The following ALDH1L1 variants were observed in gnomAD, a reference collection of about 807,000 sequenced individuals.
ALDH1L1 encodes the protein cytosolic 10-formyltetrahydrofolate dehydrogenase.
A neutral mutation model predicts 101.1 loss-of-function variants in ALDH1L1; 68 were observed. That is an observed-to-expected ratio of 0.67 (90% confidence interval 0.55 to 0.82). ALDH1L1 has a LOEUF of 0.82. ALDH1L1 is among the 40% of genes least tolerant of loss of function. ALDH1L1 has a pLI of 0.00. For missense variants in ALDH1L1, 1,087 were observed against 1,172.7 expected (o/e 0.93, Z 1.07); for synonymous variants, 486 against 470.8 (o/e 1.03, Z -0.42).
intron 17 of ALDH1L1, 136 bp downstream of exon 17, chr3:126,117,869 C>T: frequency 2.3e-6 from 2 of 865,264 alleles, no homozygotes; most frequent in Non-Finnish European, 3.6e-6. Flanking sequence ...TCAGCGTTTG[C>T]ATAGAGCCCA....
chr3:126,187,211 T>A (rs1419288237), intron 1 of ALDH1L1, among the ~76,000 whole-genome samples: 2 of 151,708 alleles, frequency 1.3e-5, no homozygotes, highest in Non-Finnish European at 2.9e-5. Flanking sequence ...AAAAGTTGAA[T>A]GTACAAGAAA....
chr3:126,124,105 G>A (rs949894819), intron 16 of ALDH1L1, among the ~76,000 whole-genome samples: 3 of 129,262 alleles, frequency 2.3e-5, no homozygotes, highest in Non-Finnish European at 3.3e-5. Context: ...ATTCCAGGGC[G>A]CGCGGACACA....
At chr3:126,193,912 C>T (rs2081567135) in intron 1 of ALDH1L1, among the ~76,000 whole-genome samples, 1 of 152,042 alleles carries the variant, frequency 6.6e-6, no homozygotes, top group African/African-American at 2.4e-5. Context: ...ATTAAAGTTC[C>T]AGGAATTCTT....
At chr3:126,156,581 C>G (rs1352269425) in intron 4 of ALDH1L1, 4 of 152,356 alleles carry the variant, frequency 2.6e-5, no homozygotes, top group Non-Finnish European at 5.9e-5. Flanking sequence ...GCAGCCCTCA[C>G]ATATGATCCC....
intron 1 of ALDH1L1, 55 bp from the exon 2 acceptor site, chr3:126,161,057 A>C: frequency 1.3e-6 from 2 of 1,583,304 alleles, no homozygotes; most frequent in Non-Finnish European, 1.7e-6. Flanking sequence ...CAGAGAAGCC[A>C]GCCCTGGTTC....
intron 17 of ALDH1L1, chr3:126,115,634 G>A (rs1439663517): frequency 1.3e-5 from 2 of 152,484 alleles, no homozygotes; most frequent in African/African-American, 4.8e-5. Flanking sequence ...GGGGTGCAAT[G>A]GCATGATCTT....
At position 126,189,104 on chromosome 3, in the gene ALDH1L1, A is replaced by G. The variant is rs114317467; in HGVS notation, c.-24+8631T>C. On this transcript the variant is annotated intron_variant, in intron 1 of 2. Coordinates refer to the ALDH1L1 transcript ENST00000509952. ...TTTTGTGGGCCAGAAGTCCAGCTCTATAAAAGGGACCACAAATACAATTTA... is the reference window on the plus strand; with the variant it reads ...TTTTGTGGGCCAGAAGTCCAGCTCTGTAAAAGGGACCACAAATACAATTTA... 3.1e-3 allele frequency among the ~76,000 whole-genome samples: 468 copies of G among 152,364 alleles called. 1 individual carries two copies. Among genetic ancestry groups the G allele is most frequent in the African/African-American group, 0.01 (436 of 41,596 alleles).
chr3:126,174,849 G>A (rs1576497532), intron 1 of ALDH1L1, among the ~76,000 whole-genome samples: 1 of 151,996 alleles, frequency 6.6e-6, no homozygotes, highest in East Asian at 1.9e-4. Context: ...AAAAAGAAGA[G>A]CAAATTAAAT....
At chr3:126,185,967 A>T (rs1326918931), upstream of ALDH1L1, among the ~76,000 whole-genome samples, 1 of 152,148 alleles carries the variant, frequency 6.6e-6, no homozygotes, top group Non-Finnish European at 1.5e-5. Context: ...TGTTTCTATG[A>T]GGTCCCTAAA....
intron 17 of ALDH1L1, among the ~76,000 whole-genome samples, chr3:126,117,651 CAA>C (rs75273825): frequency 1.5e-5 from 2 of 137,682 alleles, no homozygotes; most frequent in Admixed American, 7.4e-5. Flanking sequence ...GACCCTGTCT[CAA>C]AAAAAAAAAC....
intron 1 of ALDH1L1, among the ~76,000 whole-genome samples, chr3:126,167,984 T>C (rs1239676940): frequency 1.3e-5 from 2 of 152,168 alleles, no homozygotes; most frequent in African/African-American, 4.8e-5. Flanking sequence ...CATTATAACA[T>C]GTAATTAAAA....
In ALDH1L1 at chr3:126,153,522, A is replaced by C. The variant is rs755865931; in HGVS notation, c.780T>G (p.Ala260=). ...GCCGATGGGCTCCTGGGATGGGCAA[A>C]GCGTCTCCCTCGGGCACCAGGCCTG... ...NTSGLVPEGD[A]LPIPGAHRPG... Residue 260 remains alanine (A), a synonymous_variant, in exon 7 of 23, where the codon GCT becomes GCG. Coordinates refer to ENST00000393434, the MANE Select transcript of ALDH1L1 (RefSeq NM_012190.4). 4 of 1,614,166 alleles carry C rather than the reference A, an allele frequency of 2.5e-6. No individual in the cohort carries two copies. The highest frequency in any genetic ancestry group is 3.4e-6 in the Non-Finnish European group (4 of 1,180,014).
chr3:126,148,307 A>G (rs2080737976), intron 8 of ALDH1L1, among the ~76,000 whole-genome samples: 1 of 152,088 alleles, frequency 6.6e-6, no homozygotes, highest in Non-Finnish European at 1.5e-5. Context: ...AGCAAACACA[A>G]CGTTTCTGCC....
intron 4 of ALDH1L1, chr3:126,155,744 A>G (rs1026901294): frequency 4.9e-6 from 2 of 411,730 alleles, no homozygotes; most frequent in African/African-American, 4.2e-5. Context: ...TAGATCTTAC[A>G]TCTTCTGATA....
chr3:126,163,981 A>C (rs765552379), intron 1 of ALDH1L1, among the ~76,000 whole-genome samples: 2 of 152,154 alleles, frequency 1.3e-5, no homozygotes, highest in African/African-American at 4.8e-5. Context: ...AAAAACAAAC[A>C]ATAGCTGGAC....
chr3:126,184,523 G>A (rs2108350914), upstream of ALDH1L1, among the ~76,000 whole-genome samples: 1 of 152,360 alleles, frequency 6.6e-6, no homozygotes, highest in Admixed American at 6.5e-5. Context: ...TGCAGTGACA[G>A]TGGCTGGATA....
Position 126,136,790 on chromosome 3 carries a change from C to A in ALDH1L1, c.1318G>T (p.Glu440Ter). Residue 440 changes from glutamate to a stop codon, truncating the protein, a stop_gained, in exon 11 of 23, where the codon GAG (glutamate) becomes TAG (stop). Transcript: ENST00000393434. LOFTEE classifies it high-confidence loss of function. The stretch of plus-strand genomic sequence containing the variant: ...CTTCCATCGGTGGGATTGATGGTCT[C>A]AGAGGTCTTGGCGCCCTCGGCATCC... The part of the protein sequence containing the change: ...FVDAEGAKTS[E>*]TINPTDGSVI... The A allele has an allele frequency of 6.3e-7, 1 of 1,585,282 alleles. No homozygotes were observed. The highest frequency in any genetic ancestry group is 8.6e-7 in the Non-Finnish European group (1 of 1,165,112).
intron 1 of ALDH1L1, among the ~76,000 whole-genome samples, chr3:126,190,214 T>A (rs2081544056): frequency 6.6e-6 from 1 of 152,238 alleles, no homozygotes; most frequent in Non-Finnish European, 1.5e-5. Context: ...GGAAGTTGAA[T>A]GAAGTTCATC....
At chr3:126,110,148 CCA>C (rs1946033374) in intron 19 of ALDH1L1, 39 bp from the exon 20 acceptor site, 1 of 1,608,726 alleles carries the variant, frequency 6.2e-7, no homozygotes, top group Non-Finnish European at 8.5e-7. Context: ...GCTTGTGCTG[CCA>C]CAGTTTCTGA....
Sources: gnomAD v4.1 joint callset for allele counts (sites outside exome capture counted in the v4.1 genomes callset) on GRCh38, gnomAD v4.1.1 for gene constraint, MANE v1.5 for transcripts, NCBI Gene and HGNC (gene_info 2026-07-23, HGNC 2026-07-21) for gene names.